ANKS1B: variants seen among roughly 807,000 people sequenced by gnomAD.
ANKS1B encodes ankyrin repeat and sterile alpha motif domain containing 1B.
In ANKS1B, 36 loss-of-function variants were observed where a neutral mutation model predicts 148.3. The ratio of observed to expected loss-of-function variants is 0.24; its 90% CI spans 0.19 to 0.32. The LOEUF (loss-of-function observed/expected upper bound fraction) is 0.32. Among genes scored for constraint, ANKS1B ranks in the 10% least tolerant of loss-of-function variants. The pLI is 1.00. For synonymous variants in ANKS1B, 542 were observed against 560.8 expected (o/e 0.97, Z 0.47); for missense variants, 1,157 against 1,542.6 (o/e 0.75, Z 4.19).
At chr12:99,561,978 A>G (rs1189285468) in intron 9 of ANKS1B, among the ~76,000 whole-genome samples, 1 of 152,230 alleles carries the variant, frequency 6.6e-6, no homozygotes, top group Non-Finnish European at 1.5e-5. Context: ...TATTTCATAA[A>G]AAAGACTTAA....
chr12:99,808,194 C>T (rs1567887766), intron 3 of ANKS1B, among the ~76,000 whole-genome samples: 1 of 151,886 alleles, frequency 6.6e-6, no homozygotes, highest in African/African-American at 2.4e-5. Context: ...GTTTAGATAG[C>T]TGTTCTGATG....
At chr12:98,933,472 C>T (rs2099815569) in intron 17 of ANKS1B, among the ~76,000 whole-genome samples, 1 of 151,934 alleles carries the variant, frequency 6.6e-6, no homozygotes, top group South Asian at 2.1e-4. Context: ...AGTGCTAATA[C>T]CTCTTTAGAT....
At chr12:98,853,890 T>C (rs533010433) in intron 17 of ANKS1B, among the ~76,000 whole-genome samples, 23 of 152,290 alleles carry the variant, frequency 1.5e-4, no homozygotes, top group African/African-American at 5.1e-4. Flanking sequence ...AAACCTGAGA[T>C]GGTGGGACAA....
intron 12 of ANKS1B, among the ~76,000 whole-genome samples, chr12:99,262,545 A>C (rs1388023289): frequency 1.3e-5 from 2 of 152,078 alleles, no homozygotes; most frequent in Non-Finnish European, 2.9e-5. Flanking sequence ...AAAAGTAAAG[A>C]GAGAAGAAAG....
At chr12:98,978,012 G>A (rs996777842) in intron 17 of ANKS1B, among the ~76,000 whole-genome samples, 1 of 152,024 alleles carries the variant, frequency 6.6e-6, no homozygotes, top group Non-Finnish European at 1.5e-5. Flanking sequence ...TCTATAAAGA[G>A]TTTAAATTCC....
chr12:98,941,868 G>T (rs2153020947), intron 17 of ANKS1B, among the ~76,000 whole-genome samples: 1 of 152,184 alleles, frequency 6.6e-6, no homozygotes, highest in East Asian at 1.9e-4. Flanking sequence ...TCTTTGGCCA[G>T]CTGTGGCACA....
intron 12 of ANKS1B, among the ~76,000 whole-genome samples, chr12:99,250,256 CT>C (rs2074403579): frequency 2.0e-5 from 3 of 152,054 alleles, no homozygotes. Context: ...GAATAGTGGC[CT>C]AGAGAGTGAG....
At chr12:98,735,718 G>A in intron 9 of ANKS1B, 1 of 639,978 alleles carries the variant, frequency 1.6e-6, no homozygotes, top group East Asian at 2.7e-5. Context: ...CCATGTGCCT[G>A]GCATTGTGGT....
At chr12:99,858,139 A>G (rs1444102842) in intron 1 of ANKS1B, among the ~76,000 whole-genome samples, 2 of 152,198 alleles carry the variant, frequency 1.3e-5, no homozygotes, top group South Asian at 2.1e-4. Flanking sequence ...CTATACATCC[A>G]ACAAAGGACC....
intron 17 of ANKS1B, among the ~76,000 whole-genome samples, chr12:98,837,866 A>G (rs2099384221): frequency 6.6e-6 from 1 of 152,192 alleles, no homozygotes; most frequent in Non-Finnish European, 1.5e-5. Context: ...CTGCTTTTAA[A>G]AAAGTAAATA....
intron 9 of ANKS1B, among the ~76,000 whole-genome samples, chr12:99,643,969 C>G (rs759460154): frequency 6.6e-6 from 1 of 152,152 alleles, no homozygotes; most frequent in African/African-American, 2.4e-5. Flanking sequence ...GTGTTTTTTG[C>G]AATCTGGATA....
At chr12:99,742,401 A>C (rs1024810068) in intron 8 of ANKS1B, among the ~76,000 whole-genome samples, 41 of 152,204 alleles carry the variant, frequency 2.7e-4, no homozygotes, top group African/African-American at 9.6e-4. Flanking sequence ...TAATTTTTTA[A>C]AAAATCTAGA....
At chr12:99,518,377 T>C (rs2096843279) in intron 9 of ANKS1B, among the ~76,000 whole-genome samples, 1 of 152,150 alleles carries the variant, frequency 6.6e-6, no homozygotes, top group South Asian at 2.1e-4. Flanking sequence ...TTATTACACC[T>C]TCAATCTCAT....
intron 12 of ANKS1B, among the ~76,000 whole-genome samples, chr12:99,248,476 A>ATTAT (rs1290684274): frequency 6.6e-6 from 1 of 152,202 alleles, no homozygotes; most frequent in Non-Finnish European, 1.5e-5. Context: ...ATCTACTACT[A>ATTAT]TTATACTCAC....
intron 14 of ANKS1B, among the ~76,000 whole-genome samples, chr12:99,201,830 C>T (rs1287170410): frequency 6.6e-6 from 1 of 152,164 alleles, no homozygotes; most frequent in Non-Finnish European, 1.5e-5. Context: ...GAAGAAATAA[C>T]TAGGCTGGTT....
intron 9 of ANKS1B, among the ~76,000 whole-genome samples, chr12:99,508,256 T>C (rs995272944): frequency 1.6e-4 from 25 of 151,916 alleles, no homozygotes; most frequent in African/African-American, 5.3e-4. Flanking sequence ...TTTAGGATAA[T>C]GTTATTATAA....
chr12:99,947,255 C>CAAAAAAAAAAAAAAAA (rs58317609), intron 1 of ANKS1B, among the ~76,000 whole-genome samples: 1 of 129,058 alleles, frequency 7.7e-6, no homozygotes, highest in African/African-American at 2.8e-5. Flanking sequence ...TAAAGTAATA[C>CAAAAAAAAAAAAAAAA]AAAAAAAAAA....
chr12:99,497,833 C>T, intron 10 of ANKS1B, among the ~76,000 whole-genome samples: 1 of 146,028 alleles, frequency 6.8e-6, no homozygotes, highest in Non-Finnish European at 1.5e-5. Context: ...CTTTCTCTTT[C>T]TCTCTCTCTC....
chr12:99,522,147 TG>T (rs893702281), intron 9 of ANKS1B, among the ~76,000 whole-genome samples: 7 of 152,232 alleles, frequency 4.6e-5, no homozygotes, highest in Admixed American at 2.6e-4. Flanking sequence ...TGCCTGATTA[TG>T]GATCCTAGAC....
Sources: gnomAD v4.1 joint callset for allele counts (sites outside exome capture counted in the v4.1 genomes callset) on GRCh38, gnomAD v4.1.1 for gene constraint, MANE v1.5 for transcripts, NCBI Gene and HGNC (gene_info 2026-07-23, HGNC 2026-07-21) for gene names.